Variants in RGL1 observed in about 807,000 individuals in gnomAD.
RGL1 encodes ral guanine nucleotide dissociation stimulator like 1.
A neutral mutation model predicts 95.2 loss-of-function variants in RGL1; 24 were observed. The ratio of observed to expected loss-of-function variants is 0.25; its 90% CI spans 0.18 to 0.35. The LOEUF (loss-of-function observed/expected upper bound fraction) is 0.35. Among genes scored for constraint, RGL1 ranks in the 10% least tolerant of loss-of-function variants. The pLI is 1.00. For synonymous variants in RGL1, 329 were observed against 344.9 expected (o/e 0.95, Z 0.51); for missense variants, 715 against 936.3 (o/e 0.76, Z 3.08).
chr1:183,826,497 A>C (rs1004736263), intron 2 of RGL1, among the ~76,000 whole-genome samples: 1 of 152,152 alleles, frequency 6.6e-6, no homozygotes, highest in Non-Finnish European at 1.5e-5. Flanking sequence ...CTATATTCCC[A>C]AAGTCTAGAA....
At chr1:183,733,342 A>G (rs1299396148) in intron 1 of RGL1, among the ~76,000 whole-genome samples, 2 of 152,054 alleles carry the variant, frequency 1.3e-5, no homozygotes, top group Non-Finnish European at 2.9e-5. Context: ...TTGACTTTGT[A>G]TTCGCTTTTG....
chr1:183,754,478 G>T (rs1053964368), intron 2 of RGL1: 3 of 152,152 alleles, frequency 2.0e-5, no homozygotes, highest in Non-Finnish European at 4.4e-5. Context: ...AGGTGTTTCT[G>T]GTGGGAGTGC....
intron 3 of RGL1, among the ~76,000 whole-genome samples, chr1:183,856,005 T>C (rs1665119269): frequency 6.6e-6 from 1 of 152,144 alleles, no homozygotes; most frequent in South Asian, 2.1e-4. Context: ...CACCCATGCA[T>C]GAAACAGTTG....
chr1:183,757,734 G>C (rs774780416), intron 2 of RGL1, among the ~76,000 whole-genome samples: 1 of 152,116 alleles, frequency 6.6e-6, no homozygotes, highest in Non-Finnish European at 1.5e-5. Context: ...ATTTGTCACA[G>C]CCATAGGTAC....
chr1:183,856,557 A>C (rs1265957950), intron 3 of RGL1, among the ~76,000 whole-genome samples: 3 of 151,188 alleles, frequency 2.0e-5, no homozygotes, highest in Non-Finnish European at 4.4e-5. Flanking sequence ...TGGTCCACAC[A>C]CTCAGCTCCA....
intron 1 of RGL1, among the ~76,000 whole-genome samples, chr1:183,734,127 A>C (rs1311547332): frequency 1.3e-5 from 2 of 152,232 alleles, no homozygotes; most frequent in African/African-American, 4.8e-5. Flanking sequence ...GCTAGTTAAA[A>C]TGATTTTGTG....
chr1:183,727,459 G>C (rs909856735), intron 1 of RGL1, among the ~76,000 whole-genome samples: 2 of 152,096 alleles, frequency 1.3e-5, no homozygotes, highest in Non-Finnish European at 2.9e-5. Context: ...GAATTTTATG[G>C]TATGTGAATT....
intron 1 of RGL1, among the ~76,000 whole-genome samples, chr1:183,700,615 G>A (rs930563539): frequency 3.4e-5 from 5 of 148,170 alleles, no homozygotes; most frequent in Non-Finnish European, 7.5e-5. Context: ...GTGTGATCTC[G>A]GCTCACTGCA....
rs1006993545 is a variant in RGL1, at chr1:183,683,735, T to C, written c.-33+47234T>C. Among the ~76,000 whole-genome samples the C allele has an allele frequency of 4.1e-4, 62 of 152,366 alleles. 1 individual carries two copies. Among genetic ancestry groups the C allele is most frequent in the African/African-American group, 1.5e-3 (62 of 41,594 alleles). On this transcript the variant is annotated intron_variant, in intron 1 of 18. Transcript: ENST00000304685. The stretch of plus-strand genomic sequence containing the variant: ...CTGTCTTGCTAGTTTGGGGAAGTTC[T>C]CCTGGCTAATATCCTGAAGAGTGTT...
At chr1:183,837,428 G>C (rs1346393220) in intron 2 of RGL1, among the ~76,000 whole-genome samples, 1 of 152,126 alleles carries the variant, frequency 6.6e-6, no homozygotes, top group Non-Finnish European at 1.5e-5. Flanking sequence ...TTGAGGCTCT[G>C]AATGAGAGAA....
At chr1:183,704,406 G>A (rs1654778276) in intron 1 of RGL1, among the ~76,000 whole-genome samples, 1 of 152,082 alleles carries the variant, frequency 6.6e-6, no homozygotes, top group Admixed American at 6.5e-5. Context: ...TTGAGTGAGG[G>A]CAATGAGTTC....
intron 4 of RGL1, among the ~76,000 whole-genome samples, chr1:183,879,911 C>T (rs1366914795): frequency 3.3e-5 from 5 of 152,130 alleles, no homozygotes; most frequent in African/African-American, 1.2e-4. Context: ...TGCCCTGGAA[C>T]CTTGTCTTCC....
intron 1 of RGL1, among the ~76,000 whole-genome samples, chr1:183,673,639 A>G (rs1652627247): frequency 6.6e-6 from 1 of 152,242 alleles, no homozygotes; most frequent in African/African-American, 2.4e-5. Context: ...TACTTCCGTG[A>G]GAGCTCAGCT....
At chr1:183,901,235 G>A (rs1385827208) in intron 11 of RGL1, among the ~76,000 whole-genome samples, 1 of 152,104 alleles carries the variant, frequency 6.6e-6, no homozygotes, top group Non-Finnish European at 1.5e-5. Flanking sequence ...AGAGGCGGAG[G>A]TTGCAGTGAG....
chr1:183,650,091 G>A (rs1014477478), intron 1 of RGL1, among the ~76,000 whole-genome samples: 1 of 152,122 alleles, frequency 6.6e-6, no homozygotes, highest in African/African-American at 2.4e-5. Context: ...GGGATTACAG[G>A]TGTGAACCAC....
intron 1 of RGL1, among the ~76,000 whole-genome samples, chr1:183,740,685 C>G (rs955307195): frequency 2.0e-5 from 3 of 151,958 alleles, no homozygotes; most frequent in Non-Finnish European, 4.4e-5. Flanking sequence ...TAGACTTATC[C>G]CTTTTTTGTG....
At chr1:183,740,073 T>C (rs984364135) in intron 1 of RGL1, among the ~76,000 whole-genome samples, 1 of 152,230 alleles carries the variant, frequency 6.6e-6, no homozygotes, top group Non-Finnish European at 1.5e-5. Context: ...TTATTTGTTA[T>C]TATTTACAGT....
intron 1 of RGL1, among the ~76,000 whole-genome samples, chr1:183,698,076 C>T (rs902962503): frequency 6.6e-6 from 1 of 152,228 alleles, no homozygotes; most frequent in Middle Eastern, 3.2e-3. Context: ...AGCCAGCTCA[C>T]ACCAGTTCAT....
chr1:183,861,033 G>C (rs1445412441), intron 3 of RGL1, among the ~76,000 whole-genome samples: 3 of 151,948 alleles, frequency 2.0e-5, no homozygotes, highest in Non-Finnish European at 4.4e-5. Context: ...TATCTTTGAG[G>C]GCATGTTACT....
Sources: allele counts gnomAD v4.1 joint callset (sites outside exome capture counted in the v4.1 genomes callset), GRCh38; gene constraint gnomAD v4.1.1; transcripts MANE v1.5; gene names NCBI Gene and HGNC (gene_info 2026-07-23, HGNC 2026-07-21).